The following CIITA variants were observed in gnomAD, a reference collection of about 807,000 sequenced individuals.
CIITA encodes MHC class II transactivator.
CIITA carries 72 observed loss-of-function variants against 115.1 expected under a neutral mutation model. That is an observed-to-expected ratio of 0.63 (90% CI 0.52 to 0.76). The LOEUF is 0.76. Ranked by LOEUF, CIITA falls within the 30% of genes least tolerant of loss-of-function variation. The pLI is 0.00. For missense variants in CIITA, 1,617 were observed against 1,463.8 expected (o/e 1.10, Z -1.71); for synonymous variants, 763 against 635.6 (o/e 1.20, Z -3.02).
intron 15 of CIITA, among the ~76,000 whole-genome samples, chr16:10,917,213 TC>T: frequency 6.6e-6 from 1 of 152,226 alleles, no homozygotes; most frequent in African/African-American, 2.4e-5. Flanking sequence ...TCTCGCTCTG[TC>T]ACCCAGGGTG....
In CIITA at chr16:10,898,791, TG is replaced by T. The variant is rs555852173; in HGVS notation, c.358+65del. On this transcript the variant is annotated intron_variant, in intron 4 of 19. Coordinates refer to ENST00000324288, the MANE Select transcript of CIITA (RefSeq NM_000246.4). The stretch of plus-strand genomic sequence containing the variant: ...AGCCTGCATTTCCTGCCTTGTTCCC[TG>T]GGGGGTGCCCTAATACCTGACGACC... 7.5e-6 allele frequency: 12 copies of T among 1,607,574 alleles called. No homozygotes were observed. In the African/African-American group the frequency reaches 1.1e-4, roughly 14 times the overall value.
chr16:10,868,941 C>A (rs529754924), intron 1 of CIITA, among the ~76,000 whole-genome samples: 92 of 152,358 alleles, frequency 6.0e-4, no homozygotes, highest in African/African-American at 2.2e-3. Flanking sequence ...CCAGGGCTGC[C>A]AGGCTTGACC....
Position 10,898,694 on chromosome 16 carries a change from A to G in CIITA, c.320A>G (p.Gln107Arg). 1 of 1,611,482 alleles carries G rather than the reference A, an allele frequency of 6.2e-7. No homozygotes were observed. The highest frequency in any genetic ancestry group is 8.5e-7 in the Non-Finnish European group (1 of 1,179,036). The change falls in exon 4 of 20, where the codon CAG becomes CGG. Residue 107 changes from glutamine to arginine, a missense_variant. By Grantham distance (43) the Gln-to-Arg change is conservative. Transcript: ENST00000324288. Reference protein sequence around the residue: ...NIAELDQYVFQDSQLEGLSKD... With the variant: ...NIAELDQYVFRDSQLEGLSKD... ...GCGGAACTGGACCAGTATGTCTTCC[A>G]GGACTCCCAGCTGGAGGGCCTGAGC...
intron 1 of CIITA, among the ~76,000 whole-genome samples, chr16:10,867,565 AAG>A (rs1394295678): frequency 6.6e-6 from 1 of 151,754 alleles, no homozygotes; most frequent in Non-Finnish European, 1.5e-5. Flanking sequence ...AAGAGAGAGA[AAG>A]AGAGAATAAG....
chr16:10,923,105 C>T lies in CIITA; in HGVS notation c.3318-123C>T, dbSNP rs878903265. The stretch of plus-strand genomic sequence containing the variant: ...ATGACCCACACCGGTCGGTATCTTG[C>T]CAGGGGAAAAGTCCCCAACGTTCTA... On this transcript the variant is annotated intron_variant, in intron 18 of 19. Transcript: ENST00000324288. The surrounding 1 kb of genome is among the most constrained non-coding windows in gnomAD (Gnocchi z 5.2). 5.6e-5 allele frequency: 47 copies of T among 844,746 alleles called. No individual in the cohort carries two copies. In the South Asian group the frequency reaches 6.0e-4, roughly 11 times the overall value. 52.3% of individuals were successfully genotyped at this position (844,746 alleles called of 1,614,324 possible). A position where few individuals can be genotyped will look rare whatever the true frequency, so the allele number is the denominator to read the frequency against.
intron 3 of CIITA, among the ~76,000 whole-genome samples, chr16:10,897,313 C>G (rs2038231436): frequency 6.6e-6 from 1 of 152,154 alleles, no homozygotes; most frequent in African/African-American, 2.4e-5. Flanking sequence ...GTGATAGTCT[C>G]TCTTCCTCTT....
At chr16:10,880,722 A>G (rs1370838520) in intron 1 of CIITA, among the ~76,000 whole-genome samples, 2 of 152,184 alleles carry the variant, frequency 1.3e-5, no homozygotes, top group African/African-American at 2.4e-5. Flanking sequence ...AATTAACCCA[A>G]GGAAACTCTG....
Position 10,901,936 on chromosome 16 carries a change from T to C in CIITA, c.482-102T>C. 1.3e-6 allele frequency: 2 copies of C among 1,493,522 alleles called. No individual in the cohort carries two copies. Among genetic ancestry groups the C allele is most frequent in the Non-Finnish European group, 1.9e-6 (2 of 1,081,026 alleles). The allele number at this position is 1,493,522 out of a possible 1,614,324, so 92.5% of individuals were successfully genotyped here. A position where few individuals can be genotyped will look rare whatever the true frequency, so the allele number is the denominator to read the frequency against. On this transcript the variant is annotated intron_variant, in intron 6 of 19. Transcript: ENST00000324288. This position sits in a 1 kb window ranked among gnomAD's most constrained non-coding sequence, Gnocchi z 6.8. Reference sequence around the variant, plus strand: ...GCCAGGGCTGAGAAGATGACAAGCATTTCCTCTGTCAGGAGAGACATCCAT... The same window carrying C: ...GCCAGGGCTGAGAAGATGACAAGCACTTCCTCTGTCAGGAGAGACATCCAT...
At chr16:10,892,152 CA>C (rs2037656355) in intron 1 of CIITA, among the ~76,000 whole-genome samples, 1 of 151,920 alleles carries the variant, frequency 6.6e-6, no homozygotes, top group African/African-American at 2.4e-5. Context: ...GGTGAAACCC[CA>C]TCTTTACTAA....
In CIITA at chr16:10,923,283, T is replaced by G; in HGVS notation, c.3373T>G (p.Ser1125Ala). ...CCAGGAACACCTGCAACAACAGGAT[T>G]CACGGATCAGCCTGAGATGATCCCA... The part of the protein sequence containing the change: ...SVQEHLQQQD[S>A]RISLR The change falls in exon 19 of 20, where the codon TCA becomes GCA. Residue 1125 changes from serine to alanine, a missense_variant. Transcript: ENST00000324288. The surrounding 1 kb of genome is among the most constrained non-coding windows in gnomAD (Gnocchi z 5.2). The G allele has an allele frequency of 6.3e-7, 1 of 1,595,710 alleles. No individual in the cohort carries two copies. The highest frequency in any genetic ancestry group is 8.5e-7 in the Non-Finnish European group (1 of 1,170,400).
At chr16:10,882,293 C>T (rs376400025) in intron 1 of CIITA, among the ~76,000 whole-genome samples, 9 of 152,108 alleles carry the variant, frequency 5.9e-5, no homozygotes, top group African/African-American at 1.2e-4. Context: ...AGATGGAAGA[C>T]GAATGCCTGC....
At chr16:10,917,969 A>G (rs1427859395) in intron 15 of CIITA, among the ~76,000 whole-genome samples, 1 of 152,168 alleles carries the variant, frequency 6.6e-6, no homozygotes, top group African/African-American at 2.4e-5. Context: ...TCTTCTCCTT[A>G]GTCCTTCCGT....
chr16:10,882,242 G>A (rs926470729), intron 1 of CIITA, among the ~76,000 whole-genome samples: 1 of 152,298 alleles, frequency 6.6e-6, no homozygotes, highest in Non-Finnish European at 1.5e-5. Context: ...AAGGTAAATT[G>A]TAGAACAGGT....
In CIITA at chr16:10,908,977, A is replaced by T. The variant is rs767381561; in HGVS notation, c.2658-52A>T. On this transcript the variant is annotated intron_variant, in intron 11 of 19. Coordinates refer to ENST00000324288, the MANE Select transcript of CIITA (RefSeq NM_000246.4). ...GGACCCTTCATGGAGCTGCCCTTCC[A>T]TTAAGGTCTAGCCTGGTCACCGTGC... 5.6e-6 allele frequency: 9 copies of T among 1,613,392 alleles called. No individual in the cohort carries two copies. In the South Asian group the frequency reaches 9.9e-5, roughly 18 times the overall value.
At position 10,911,827 on chromosome 16, in the gene CIITA, A is replaced by G. The variant is rs118060810; in HGVS notation, c.2888+1568A>G. Among the ~76,000 whole-genome samples the G allele has an allele frequency of 4.6e-5, 7 of 152,240 alleles. No individual in the cohort carries two copies. The East Asian group carries it at 1.4e-3, about 29-fold the overall frequency. Reference sequence around the variant, plus strand: ...CAGCCTCCCAAAGTGCTAGGATTACAGGTGCGAGCTCCCGCACCTGGCCAG... The same window carrying G: ...CAGCCTCCCAAAGTGCTAGGATTACGGGTGCGAGCTCCCGCACCTGGCCAG... On this transcript the variant is annotated intron_variant, in intron 13 of 19. Coordinates refer to ENST00000324288, the MANE Select transcript of CIITA (RefSeq NM_000246.4).
intron 10 of CIITA, 63 bp downstream of exon 10, chr16:10,904,875 A>G (rs866136895): frequency 1.9e-6 from 3 of 1,542,238 alleles, no homozygotes; most frequent in Middle Eastern, 1.7e-4. Flanking sequence ...CTGGCTTCAC[A>G]TTGCTCATTC....
At chr16:10,936,986 A>G (rs892005678), downstream of CIITA, 3 of 152,266 alleles carry the variant, frequency 2.0e-5, no homozygotes, top group Admixed American at 2.0e-4. Flanking sequence ...TCGGCAAAAC[A>G]GACACATGAG....
At chr16:10,871,344 G>A (rs2035471470) in intron 1 of CIITA, among the ~76,000 whole-genome samples, 1 of 152,146 alleles carries the variant, frequency 6.6e-6, no homozygotes, top group Admixed American at 6.5e-5. Context: ...CTGGCCTTGG[G>A]TTTGACCATG....
chr16:10,911,783 T>C (rs1423287900), intron 13 of CIITA, among the ~76,000 whole-genome samples: 1 of 152,128 alleles, frequency 6.6e-6, no homozygotes, highest in African/African-American at 2.4e-5. Flanking sequence ...GCTCCTGGGC[T>C]CAAGCAATCC....
Sources: allele counts gnomAD v4.1 joint callset (sites outside exome capture counted in the v4.1 genomes callset), GRCh38; gene constraint gnomAD v4.1.1; non-coding constraint Gnocchi (gnomAD v3.1); transcripts MANE v1.5; gene names NCBI Gene and HGNC (gene_info 2026-07-23, HGNC 2026-07-21).